BRAT1: variants seen among roughly 807,000 people sequenced by gnomAD.
BRAT1 encodes integrator complex assembly factor BRAT1.
BRAT1 carries 74 observed loss-of-function variants against 70.6 expected under a neutral mutation model. The ratio of observed to expected loss-of-function variants is 1.05; its 90% CI spans 0.87 to 1.27. The LOEUF (loss-of-function observed/expected upper bound fraction) is 1.27, where lower values mean the gene tolerates loss of function less well. BRAT1 is among the 50% of genes most tolerant of loss of function. BRAT1 has a pLI of 0.00. For synonymous variants in BRAT1, 615 were observed against 517.1 expected (o/e 1.19, Z -2.57); for missense variants, 1,203 against 1,098.2 (o/e 1.10, Z -1.35).
chr7:2,548,544 C>A (rs1011389978), intron 2 of BRAT1, among the ~76,000 whole-genome samples: 4 of 151,540 alleles, frequency 2.6e-5, no homozygotes, highest in African/African-American at 9.7e-5. Flanking sequence ...CACACATCTG[C>A]AGTCCCAGCT....
chr7:2,551,877 A>C (rs951817035), intron 2 of BRAT1, among the ~76,000 whole-genome samples: 4 of 150,670 alleles, frequency 2.7e-5, no homozygotes, highest in Non-Finnish European at 5.9e-5. Context: ...AACCTCCACA[A>C]AGTAAATTAA....
Position 2,543,221 on chromosome 7 carries a change from G to T in BRAT1, c.906C>A (p.Ile302=). 1 of 1,607,638 alleles carries T rather than the reference G, an allele frequency of 6.2e-7. No individual in the cohort carries two copies. Among genetic ancestry groups the T allele is most frequent in the Non-Finnish European group, 8.5e-7 (1 of 1,177,126 alleles). Residue 302 remains isoleucine, a synonymous_variant, in exon 6 of 14, where the codon ATC becomes ATA. Coordinates refer to ENST00000340611, the MANE Select transcript of BRAT1 (RefSeq NM_152743.4). The surrounding 1 kb of genome is among the most constrained non-coding windows in gnomAD (Gnocchi z 5.5). ...GACCATACCAGTGCTCGAGCTTCAG[G>T]ATCCCCAAAGCCAGGGGTCCCATGT... is the stretch of plus-strand genomic sequence containing the variant. ...PTHMGPLALG[I]LKLEHCPQAL... is the part of the protein sequence containing the mutation.
chr7:2,538,306 G>A lies in BRAT1; in HGVS notation c.2229C>T (p.Pro743=). The A allele has an allele frequency of 1.9e-6, 3 of 1,612,862 alleles. No homozygotes were observed. Among genetic ancestry groups the A allele is most frequent in the Non-Finnish European group, 2.5e-6 (3 of 1,179,866 alleles). The change falls in exon 14 of 14, where the codon CCC becomes CCT. Residue 743 remains proline, a synonymous_variant. Transcript: ENST00000340611. ...GGGTGGCCTCTGCGGAGGCAGTGTT[G>A]GGGCTGCCCCTGGCCTCCCGCAGGC... The part of the protein sequence containing the change: ...YSSLREARGS[P]NTASAEATLP...
At chr7:2,550,531 GAA>G (rs11297774) in intron 2 of BRAT1, among the ~76,000 whole-genome samples, 4 of 100,772 alleles carry the variant, frequency 4.0e-5, no homozygotes, top group South Asian at 3.3e-4. Context: ...TATGTAAAGC[GAA>G]AAAAAAAAAA....
In BRAT1 at chr7:2,539,263, T is replaced by C; in HGVS notation, c.1686A>G (p.Arg562=). 3 of 1,611,812 alleles carry C rather than the reference T, an allele frequency of 1.9e-6. No individual in the cohort carries two copies. The highest frequency in any genetic ancestry group is 2.5e-6 in the Non-Finnish European group (3 of 1,179,964). The change falls in exon 13 of 14, where the codon CGA becomes CGG. Residue 562 remains arginine (R), a synonymous_variant. Coordinates refer to ENST00000340611, the MANE Select transcript of BRAT1 (RefSeq NM_152743.4). ...QLLQDPESYV[R]ASAVTAMGQL... The stretch of plus-strand genomic sequence containing the variant: ...GCCCCATGGCGGTCACTGCACTCGC[T>C]CGGACATAACTCTCAGGGTCCTGGA...
At chr7:2,547,807 G>C (rs913774407) in intron 2 of BRAT1, among the ~76,000 whole-genome samples, 9 of 152,194 alleles carry the variant, frequency 5.9e-5, no homozygotes, top group African/African-American at 2.2e-4. Flanking sequence ...GACCAGGCTG[G>C]GCGTGGTGGC....
intron 1 of BRAT1, among the ~76,000 whole-genome samples, chr7:2,554,814 T>C (rs1384666339): frequency 1.3e-5 from 2 of 152,052 alleles, no homozygotes; most frequent in African/African-American, 4.8e-5. Flanking sequence ...AGTTCCGGGG[T>C]CAGCCATGTG....
At chr7:2,549,937 C>T (rs1452248309) in intron 2 of BRAT1, among the ~76,000 whole-genome samples, 1 of 152,106 alleles carries the variant, frequency 6.6e-6, no homozygotes, top group African/African-American at 2.4e-5. Context: ...TCTATGTATA[C>T]CTAACCTCAC....
chr7:2,551,574 A>G (rs1333514830), intron 2 of BRAT1, among the ~76,000 whole-genome samples: 6 of 151,360 alleles, frequency 4.0e-5, no homozygotes, highest in Non-Finnish European at 8.8e-5. Flanking sequence ...TGATCCCAGG[A>G]ACTCAAGAGA....
At chr7:2,545,493 C>CTACT in intron 3 of BRAT1, among the ~76,000 whole-genome samples, 1 of 107,630 alleles carries the variant, frequency 9.3e-6, no homozygotes, top group African/African-American at 4.8e-5. Flanking sequence ...ACACTTTCTT[C>CTACT]TTCTTTTTTT....
intron 2 of BRAT1, among the ~76,000 whole-genome samples, chr7:2,553,476 G>A (rs1488942962): frequency 6.6e-6 from 1 of 152,146 alleles, no homozygotes; most frequent in South Asian, 2.1e-4. Context: ...CACTATGATA[G>A]CAAGAGAGAA....
intron 10 of BRAT1, 59 bp downstream of exon 10, chr7:2,540,920 G>A: frequency 6.9e-7 from 1 of 1,440,782 alleles, no homozygotes; most frequent in Non-Finnish European, 9.1e-7. Context: ...TGGAGTCAGG[G>A]GTGGGTCCCA....
Position 2,543,344 on chromosome 7 carries a change from G to A in BRAT1, c.804-21C>T. Reference sequence around the variant, plus strand: ...GAGAACTGCAGGGAGACCCCAGAGAGAAAAATTACTCCCCCACCCTCAAAA... The same window carrying A: ...GAGAACTGCAGGGAGACCCCAGAGAAAAAAATTACTCCCCCACCCTCAAAA... On this transcript the variant is annotated intron_variant, in intron 5 of 13. Coordinates refer to ENST00000340611, the MANE Select transcript of BRAT1 (RefSeq NM_152743.4). The surrounding 1 kb of genome is among the most constrained non-coding windows in gnomAD (Gnocchi z 5.5). 1 of 1,561,490 alleles carries A rather than the reference G, an allele frequency of 6.4e-7. No homozygotes were observed. Among genetic ancestry groups the A allele is most frequent in the Non-Finnish European group, 8.7e-7 (1 of 1,154,122 alleles).
chr7:2,547,611 A>C (rs1416972753), intron 2 of BRAT1, 133 bp from the exon 3 acceptor site: 3 of 909,750 alleles, frequency 3.3e-6, no homozygotes, highest in African/African-American at 1.7e-5. Context: ...AACTGGGAAA[A>C]AAATATCTGC....
Position 2,538,721 on chromosome 7 carries a change from T to G in BRAT1, c.1814A>C (p.Glu605Ala). Reference sequence around the variant, plus strand: ...CATGACCGCCCGCCGTGGGAAGCCCTCCGAGTCTACGGAGAGGATGTGCAG... The same window carrying G: ...CATGACCGCCCGCCGTGGGAAGCCCGCCGAGTCTACGGAGAGGATGTGCAG... ...ELLHILSVDS[E>A]GFPRRAVMQV... The change falls in exon 14 of 14, where the codon GAG (glutamate) becomes GCG (alanine). Residue 605 changes from glutamate (E) to alanine (A), a missense_variant. Glu to Ala is a moderately radical substitution (Grantham distance 107). Transcript: ENST00000340611. 1.3e-6 allele frequency: 2 copies of G among 1,598,376 alleles called. No individual in the cohort carries two copies. The highest frequency in any genetic ancestry group is 1.7e-6 in the Non-Finnish European group (2 of 1,179,846).
At chr7:2,539,040 C>G in intron 13 of BRAT1, 139 bp downstream of exon 13, 1 of 1,445,752 alleles carries the variant, frequency 6.9e-7, no homozygotes, top group Non-Finnish European at 9.1e-7. Flanking sequence ...CCCAGGGCCT[C>G]GGCAGTCACT....
intron 2 of BRAT1, among the ~76,000 whole-genome samples, chr7:2,548,641 G>A (rs1162568714): frequency 6.6e-6 from 1 of 151,432 alleles, no homozygotes; most frequent in Non-Finnish European, 1.5e-5. Context: ...ACTCCAGCCT[G>A]GGCGACAGAG....
At chr7:2,551,961 GAA>G (rs202073706) in intron 2 of BRAT1, among the ~76,000 whole-genome samples, 2 of 145,026 alleles carry the variant, frequency 1.4e-5, no homozygotes, top group Admixed American at 1.4e-4. Flanking sequence ...ACTTGTGGGT[GAA>G]AAAAAAATTA....
rs189166796 is a variant in BRAT1, at chr7:2,551,629, G to A, written c.127+2676C>T. The stretch of plus-strand genomic sequence containing the variant: ...CAGGAGGTCAAGGCTGCAGTGAGCC[G>A]TGTTCACGCCATTGCACTCCATCCT... On this transcript the variant is annotated intron_variant, in intron 2 of 13. Coordinates refer to ENST00000340611, the MANE Select transcript of BRAT1 (RefSeq NM_152743.4). 4.7e-5 allele frequency among the ~76,000 whole-genome samples: 7 copies of A among 150,400 alleles called. 1 individual carries two copies. The highest frequency in any genetic ancestry group is 2.1e-4 in the South Asian group (1 of 4,764).
Sources: allele counts gnomAD v4.1 joint callset (sites outside exome capture counted in the v4.1 genomes callset), GRCh38; gene constraint gnomAD v4.1.1; non-coding constraint Gnocchi (gnomAD v3.1); transcripts MANE v1.5; gene names NCBI Gene and HGNC (gene_info 2026-07-23, HGNC 2026-07-21).